The following GOLGA3 variants were observed in gnomAD, a reference collection of about 807,000 sequenced individuals.
GOLGA3 encodes golgin subfamily A member 3.
Under a neutral mutation model 169.4 loss-of-function variants are expected in GOLGA3, and 75 were observed. That is an observed-to-expected ratio of 0.44 (90% CI 0.37 to 0.54). GOLGA3 has a LOEUF of 0.54. Among genes scored for constraint, GOLGA3 ranks in the 20% least tolerant of loss-of-function variants. The pLI is 0.00. For missense variants in GOLGA3, 1,899 were observed against 1,930.0 expected, an observed-to-expected ratio of 0.98 and a Z score of 0.30; for synonymous variants, 824 against 822.4, an observed-to-expected ratio of 1.00 and a Z score of -0.03.
chr12:132,807,764 A>ACCCCC, intron 5 of GOLGA3, 127 bp downstream of exon 5: 1 of 77,646 alleles, frequency 1.3e-5, no homozygotes, highest in Non-Finnish European at 2.5e-5. Context: ...GTCTCTGCCC[A>ACCCCC]CCCCGCCCCC....
intron 23 of GOLGA3, 134 bp downstream of exon 23, chr12:132,774,023 G>A: frequency 4.1e-6 from 3 of 737,708 alleles, no homozygotes; most frequent in South Asian, 2.0e-5. Context: ...GGCTATGTAT[G>A]CGAGTCCCCC....
intron 1 of GOLGA3, among the ~76,000 whole-genome samples, chr12:132,826,991 G>A (rs1295455584): frequency 6.6e-6 from 1 of 152,184 alleles, no homozygotes; most frequent in Non-Finnish European, 1.5e-5. Flanking sequence ...ACAGGACAAA[G>A]CTGTCACTTA....
chr12:132,800,762 C>CA (rs746580578), intron 8 of GOLGA3, among the ~76,000 whole-genome samples: 74 of 151,906 alleles, frequency 4.9e-4, no homozygotes, highest in Admixed American at 1.2e-3. Context: ...AGTTGGAGGC[C>CA]AGCCTGGGCA....
chr12:132,783,891 T>C, intron 16 of GOLGA3: 1 of 1,426,408 alleles, frequency 7.0e-7, no homozygotes, highest in South Asian at 1.5e-5. Flanking sequence ...GGTTTCTTAT[T>C]TGCAACCAAA....
chr12:132,769,272 G>T lies in GOLGA3; in HGVS notation c.*3833C>A, dbSNP rs1370768190. ...CACATCAGAGGGCTCCTCGAAGGGA[G>T]GCCCCAGGACGGTTCTCTCAGATTT... On this transcript the variant is annotated 3_prime_UTR_variant, in exon 24 of 24. Coordinates refer to ENST00000450791, the MANE Select transcript of GOLGA3 (RefSeq NM_001389683.1). 1 of 152,264 alleles carries T rather than the reference G, an allele frequency of 6.6e-6. No individual in the cohort carries two copies. The highest frequency in any genetic ancestry group is 1.5e-5 in the Non-Finnish European group (1 of 68,062). The allele number at this position is 152,264 out of a possible 1,614,324, so 9.4% of individuals were successfully genotyped here.
At chr12:132,779,534 G>T (rs1015006783) in intron 18 of GOLGA3, among the ~76,000 whole-genome samples, 3 of 152,230 alleles carry the variant, frequency 2.0e-5, no homozygotes, top group Admixed American at 2.0e-4. Context: ...AACGAAAGCA[G>T]CTTCACTGTT....
chr12:132,796,511 T>G (rs1948847497), intron 10 of GOLGA3, 28 bp downstream of exon 10: 1 of 1,595,284 alleles, frequency 6.3e-7, no homozygotes, highest in Non-Finnish European at 8.5e-7. Context: ...GGGGCCTGGG[T>G]CCAGCCTGAA....
chr12:132,822,078 G>T lies in GOLGA3; in HGVS notation c.51C>A (p.His17Gln). Residue 17 changes from histidine (H) to glutamine (Q), a missense_variant, in exon 2 of 24, where the codon CAC (histidine) becomes CAA (glutamine). By Grantham distance (24) the His-to-Gln change is conservative (BLOSUM62 0). Coordinates refer to ENST00000450791, the MANE Select transcript of GOLGA3 (RefSeq NM_001389683.1). ...CCTCGGGGAGAGACGAGGGGCCACT[G>T]TGGGATCTGTCCTCCTGGAGGCCAT... is the stretch of plus-strand genomic sequence containing the variant. ...EQDGLQEDRSHSGPSSLPEAP... is the reference protein window; with the variant it reads ...EQDGLQEDRSQSGPSSLPEAP... 2 of 1,607,698 alleles carry T rather than the reference G, an allele frequency of 1.2e-6. No individual in the cohort carries two copies. The highest frequency in any genetic ancestry group is 1.7e-6 in the Non-Finnish European group (2 of 1,177,718).
At chr12:132,823,764 G>A (rs887417195) in intron 1 of GOLGA3, among the ~76,000 whole-genome samples, 3 of 150,956 alleles carry the variant, frequency 2.0e-5, no homozygotes, top group Admixed American at 1.3e-4. Flanking sequence ...TCCAGCCTGG[G>A]CAACAAGAGT....
intron 16 of GOLGA3, 64 bp downstream of exon 16, chr12:132,784,100 C>T (rs748105704): frequency 2.3e-5 from 37 of 1,597,546 alleles, no homozygotes; most frequent in South Asian, 1.1e-4. Context: ...TCACGCGTGG[C>T]GGCATGTCCA....
At position 132,822,138 on chromosome 12, in the gene GOLGA3, G is replaced by A. The variant is rs772972637; in HGVS notation, c.-10C>T. On this transcript the variant is annotated 5_prime_UTR_variant, in exon 2 of 24. Transcript: ENST00000450791. ...CCGACGCGCCGTCCATGGTCAGGACGACACCAGCTGAGCTGACGCTGAGGG... is the reference window on the plus strand; with the variant it reads ...CCGACGCGCCGTCCATGGTCAGGACAACACCAGCTGAGCTGACGCTGAGGG... 125 of 1,597,022 alleles carry A rather than the reference G, an allele frequency of 7.8e-5. 1 individual carries two copies. The Middle Eastern group carries it at 2.5e-3, about 31-fold the overall frequency.
intron 13 of GOLGA3, 30 bp from the exon 14 acceptor site, chr12:132,786,817 G>C: frequency 2.1e-6 from 3 of 1,433,648 alleles, no homozygotes; most frequent in Non-Finnish European, 3.0e-6. Flanking sequence ...CGTGAGGAGC[G>C]GCACTGCCAC....
Position 132,808,107 on chromosome 12 carries a change from C to G in GOLGA3, c.962G>C (p.Ser321Thr). ...DGNDSDSSSY[S>T]SASTRGTYGI... is the part of the protein sequence containing the mutation. ...ATAGGTCCCTCGGGTGGAGGCGCTG[C>G]TGTACGATGAGCTGTCGCTGTCATT... Residue 321 changes from serine (S) to threonine (T), a missense_variant, in exon 5 of 24, where the codon AGC (serine) becomes ACC (threonine). Ser to Thr is a moderately conservative substitution (Grantham distance 58, BLOSUM62 1). Coordinates refer to ENST00000450791, the MANE Select transcript of GOLGA3 (RefSeq NM_001389683.1). 2 of 1,601,680 alleles carry G rather than the reference C, an allele frequency of 1.2e-6. No individual in the cohort carries two copies. Among genetic ancestry groups the G allele is most frequent in the Non-Finnish European group, 1.7e-6 (2 of 1,172,652 alleles).
At position 132,777,901 on chromosome 12, in the gene GOLGA3, G is replaced by C. The variant is rs2045341793; in HGVS notation, c.3583-96C>G. The C allele has an allele frequency of 1.5e-6, 2 of 1,317,062 alleles. No homozygotes were observed. Among genetic ancestry groups the C allele is most frequent in the African/African-American group, 1.5e-5 (1 of 68,650 alleles). 81.6% of individuals were successfully genotyped at this position (1,317,062 alleles called of 1,614,324 possible). On this transcript the variant is annotated intron_variant, in intron 18 of 23. Transcript: ENST00000450791. The surrounding 1 kb of genome is among the most constrained non-coding windows in gnomAD (Gnocchi z 4.7). The stretch of plus-strand genomic sequence containing the variant: ...GGGGTGAATGCACTCCCGGCCCCGT[G>C]CATGTCCTGGCTGCCGGCGTGTGCT...
intron 2 of GOLGA3, among the ~76,000 whole-genome samples, chr12:132,820,714 G>A (rs1340057669): frequency 6.6e-6 from 1 of 152,118 alleles, no homozygotes; most frequent in African/African-American, 2.4e-5. Flanking sequence ...AACCCAGGGG[G>A]CTAACATAAC....
intron 2 of GOLGA3, among the ~76,000 whole-genome samples, chr12:132,820,781 C>A (rs1950172156): frequency 6.6e-6 from 1 of 152,108 alleles, no homozygotes; most frequent in Admixed American, 6.6e-5. Context: ...CTAGCTATTA[C>A]AAATTCAGCA....
chr12:132,810,175 G>C (rs12830633), intron 4 of GOLGA3, among the ~76,000 whole-genome samples: 1 of 152,154 alleles, frequency 6.6e-6, no homozygotes, highest in African/African-American at 2.4e-5. Context: ...TTGAACCCAG[G>C]AGGTGGAGGT....
chr12:132,774,264 G>A lies in GOLGA3; in HGVS notation c.4200C>T (p.Ile1400=), dbSNP rs2045089538. ...GCGAGGCGGGAACTGGGCAGTCCGG[G>A]ATCTTGATGGGCGTGGCAGGGTTGG... is the stretch of plus-strand genomic sequence containing the variant. The part of the protein sequence containing the change: ...SSSNPATPIK[I]PDCPVPASLL... The change falls in exon 23 of 24, where the codon ATC becomes ATT. Residue 1400 remains isoleucine, a synonymous_variant. Transcript: ENST00000450791. 3.7e-6 allele frequency: 6 copies of A among 1,612,898 alleles called. No individual in the cohort carries two copies. Among genetic ancestry groups the A allele is most frequent in the Non-Finnish European group, 5.1e-6 (6 of 1,180,026 alleles).
At position 132,796,521 on chromosome 12, in the gene GOLGA3, A is replaced by T. The variant is rs377076687; in HGVS notation, c.2100+18T>A. 2.2e-5 allele frequency: 36 copies of T among 1,602,110 alleles called. No homozygotes were observed. The African/African-American group carries it at 4.1e-4, about 18-fold the overall frequency. ...CACCTGGGGCCTGGGTCCAGCCTGA[A>T]GGGCTGCAGGGACTTACCTGCTCCA... On this transcript the variant is annotated intron_variant, in intron 10 of 23. Coordinates refer to ENST00000450791, the MANE Select transcript of GOLGA3 (RefSeq NM_001389683.1).
Sources: gnomAD v4.1 joint callset for allele counts (sites outside exome capture counted in the v4.1 genomes callset) on GRCh38, gnomAD v4.1.1 for gene constraint, Gnocchi (gnomAD v3.1) non-coding constraint, MANE v1.5 for transcripts, NCBI Gene and HGNC (gene_info 2026-07-23, HGNC 2026-07-21) for gene names.